IRAG2: variants seen among roughly 807,000 people sequenced by gnomAD.
IRAG2 encodes the protein inositol 1,4,5-triphosphate receptor associated 2, also known as lymphoid restricted membrane protein.
In IRAG2, 45 loss-of-function variants were observed where a neutral mutation model predicts 69.9. That is an observed-to-expected ratio of 0.64 (90% CI 0.51 to 0.83). The LOEUF is 0.83. Ranked by LOEUF, IRAG2 falls within the 40% of genes least tolerant of loss-of-function variation. IRAG2 has a pLI of 0.00. For missense variants in IRAG2, 520 were observed against 587.0 expected, an observed-to-expected ratio of 0.89 and a Z score of 1.18; for synonymous variants, 193 against 202.4, an observed-to-expected ratio of 0.95 and a Z score of 0.40.
chr12:25,010,859 T>G (rs1400357476), intron 2 of IRAG2, among the ~76,000 whole-genome samples: 1 of 152,220 alleles, frequency 6.6e-6, no homozygotes, highest in Non-Finnish European at 1.5e-5. Context: ...TTTTCTTTTC[T>G]GAATGTGATA....
chr12:25,102,507 G>A (rs1948814979), intron 17 of IRAG2: 1 of 434,328 alleles, frequency 2.3e-6, no homozygotes, highest in South Asian at 2.6e-5. Context: ...ACCCGACAAT[G>A]GCACAGCAGC....
chr12:25,079,879 A>G (rs1348499226), intron 9 of IRAG2, 116 bp downstream of exon 9: 1 of 628,816 alleles, frequency 1.6e-6, no homozygotes, highest in Non-Finnish European at 2.7e-6. Context: ...TTTTTTGTAA[A>G]ATAATTCTTA....
intron 15 of IRAG2, among the ~76,000 whole-genome samples, chr12:25,100,317 C>T (rs1271208409): frequency 6.6e-6 from 1 of 151,950 alleles, no homozygotes; most frequent in Admixed American, 6.6e-5. Flanking sequence ...GTCCAGCCAC[C>T]GTGGAAAACA....
chr12:25,041,933 C>G (rs1944753662), intron 16 of IRAG2, among the ~76,000 whole-genome samples: 2 of 148,694 alleles, frequency 1.3e-5, no homozygotes, highest in South Asian at 4.2e-4. Flanking sequence ...ATAAGCAGTG[C>G]TGAATTGAAT....
intron 16 of IRAG2, among the ~76,000 whole-genome samples, chr12:25,046,355 A>G (rs764386052): frequency 2.0e-5 from 3 of 152,094 alleles, no homozygotes; most frequent in Non-Finnish European, 4.4e-5. Flanking sequence ...TAGCCAGAGC[A>G]TTTAGGCAAG....
At chr12:25,020,268 C>T (rs1944567395) in intron 6 of IRAG2, among the ~76,000 whole-genome samples, 1 of 152,006 alleles carries the variant, frequency 6.6e-6, no homozygotes, top group Non-Finnish European at 1.5e-5. Flanking sequence ...TTGTTATAAT[C>T]AACAGTATGA....
At chr12:25,081,332 C>T (rs1482345681) in intron 9 of IRAG2, among the ~76,000 whole-genome samples, 4 of 152,082 alleles carry the variant, frequency 2.6e-5, no homozygotes, top group African/African-American at 7.2e-5. Flanking sequence ...GGCGTGGTGG[C>T]GGGCACCTGT....
rs1480484878 is a variant in IRAG2 at position 25,017,433 on chromosome 12, TCTGG to T, written c.1214+146_1214+149del. On this transcript the variant is annotated intron_variant, in intron 6 of 38. Coordinates refer to the IRAG2 transcript ENST00000636465. ...AATTCAGTGTTTTTAGAGTATATTC[TCTGG>T]CTGGGCATGGTGACTCATGCCTGTA... is the stretch of plus-strand genomic sequence containing the variant. The T allele has an allele frequency of 5.9e-6, 5 of 854,474 alleles. No individual in the cohort carries two copies. The African/African-American group carries it at 7.1e-5, about 12-fold the overall frequency. The allele number at this position is 854,474 out of a possible 1,614,324, so 52.9% of individuals were successfully genotyped here.
chr12:25,071,144 C>CA (rs1946310815), intron 6 of IRAG2, among the ~76,000 whole-genome samples: 1 of 152,080 alleles, frequency 6.6e-6, no homozygotes, highest in Admixed American at 6.6e-5. Context: ...CACTTGAGGT[C>CA]AGGAGCTCAA....
rs1285479353 is a variant in IRAG2 at position 25,062,835 on chromosome 12, G to A, written c.-369G>A. On this transcript the variant is annotated 5_prime_UTR_variant, in exon 3 of 22. Transcript: ENST00000556887. ...CTCTTGACAGAGCTTTTTAGATGAG[G>A]AATTTCCTCACTATGATTCCCTGTC... 1 of 398,912 alleles carries A rather than the reference G, an allele frequency of 2.5e-6. No individual in the cohort carries two copies. Among genetic ancestry groups the A allele is most frequent in the Non-Finnish European group, 4.4e-6 (1 of 226,012 alleles). 24.7% of individuals were successfully genotyped at this position (398,912 alleles called of 1,614,324 possible).
At chr12:25,042,817 C>T (rs1010311638) in intron 16 of IRAG2, among the ~76,000 whole-genome samples, 8 of 151,828 alleles carry the variant, frequency 5.3e-5, no homozygotes, top group African/African-American at 1.9e-4. Flanking sequence ...TCATAAAGTT[C>T]ATAAAACACG....
chr12:25,022,859 C>T (rs1257864785), intron 7 of IRAG2, among the ~76,000 whole-genome samples: 1 of 152,204 alleles, frequency 6.6e-6, no homozygotes, highest in African/African-American at 2.4e-5. Flanking sequence ...GGCGTGGTGG[C>T]TCACGCCTGT....
chr12:25,015,057 A>T, intron 3 of IRAG2: 1 of 467,098 alleles, frequency 2.1e-6, no homozygotes, highest in Non-Finnish European at 3.4e-6. Flanking sequence ...AGAAGGAATT[A>T]CCTAAAAAGG....
At chr12:25,034,374 A>T (rs1249935492) in intron 13 of IRAG2, among the ~76,000 whole-genome samples, 1 of 152,250 alleles carries the variant, frequency 6.6e-6, no homozygotes, top group African/African-American at 2.4e-5. Flanking sequence ...GCTTTAGATT[A>T]TAATTGTATC....
intron 9 of IRAG2, among the ~76,000 whole-genome samples, chr12:25,082,050 A>C (rs1337042480): frequency 2.0e-5 from 3 of 152,064 alleles, no homozygotes; most frequent in Non-Finnish European, 4.4e-5. Flanking sequence ...GCAAGCCACC[A>C]CATTTGACTA....
exon 5 of IRAG2, chr12:25,015,383 T>C (rs931159247): frequency 1.6e-6 from 2 of 1,231,894 alleles, no homozygotes; most frequent in South Asian, 4.1e-5. Context: ...GATTCTACAT[T>C]GGGGAGCTTC....
At chr12:25,077,097 G>A (rs943551785) in intron 6 of IRAG2, among the ~76,000 whole-genome samples, 1 of 147,068 alleles carries the variant, frequency 6.8e-6, no homozygotes, top group African/African-American at 2.5e-5. Context: ...TCAAACTCCT[G>A]GCCACAAACA....
At chr12:25,048,533 G>A (rs925540436), upstream of IRAG2, among the ~76,000 whole-genome samples, 1 of 152,056 alleles carries the variant, frequency 6.6e-6, no homozygotes, top group African/African-American at 2.4e-5. Flanking sequence ...CTGACCTCAA[G>A]CAATCCACCC....
intron 2 of IRAG2, among the ~76,000 whole-genome samples, chr12:25,008,669 T>G (rs1239848023): frequency 1.3e-5 from 2 of 151,886 alleles, no homozygotes; most frequent in East Asian, 3.9e-4. Context: ...AACTCAGGAG[T>G]TGGAGGCTGC....
Sources: allele counts gnomAD v4.1 joint callset (sites outside exome capture counted in the v4.1 genomes callset), GRCh38; gene constraint gnomAD v4.1.1; transcripts MANE v1.5; gene names NCBI Gene and HGNC (gene_info 2026-07-23, HGNC 2026-07-21).